Variants in LYSMD2 observed in about 807,000 individuals in gnomAD.
The protein encoded by LYSMD2 is LysM domain containing 2.
In LYSMD2, 6 loss-of-function variants were observed where a neutral mutation model predicts 17.7. The ratio of observed to expected loss-of-function variants is 0.34; its 90% CI spans 0.19 to 0.67. The LOEUF is 0.67. LYSMD2 is among the 30% of genes least tolerant of loss of function. The pLI is 0.69. For missense variants in LYSMD2, 237 were observed against 286.7 expected (o/e 0.83, Z 1.25); for synonymous variants, 102 against 129.8 (o/e 0.79, Z 1.45).
intron 1 of LYSMD2, among the ~76,000 whole-genome samples, chr15:51,732,022 G>A (rs2055580363): frequency 6.6e-6 from 1 of 152,112 alleles, no homozygotes; most frequent in Non-Finnish European, 1.5e-5. Context: ...TTCCTCAAAT[G>A]CCTCTTCCTC....
intron 1 of LYSMD2, among the ~76,000 whole-genome samples, chr15:51,731,168 C>A (rs2055574213): frequency 6.6e-6 from 1 of 152,156 alleles, no homozygotes; most frequent in African/African-American, 2.4e-5. Flanking sequence ...AATGGCCTCA[C>A]AACTCTGTAA....
intron 2 of LYSMD2, among the ~76,000 whole-genome samples, 179 bp downstream of exon 2, chr15:51,724,611 A>AAAGAAATTAAGAAAGG (rs58636074): frequency 0.36 from 53,601 of 147,104 alleles, 10,381 homozygotes; most frequent in Admixed American, 0.49. Context: ...AGAAAGAAAG[A>AAAGAAATTAAGAAAGG]AAGAAATTAA....
intron 1 of LYSMD2, among the ~76,000 whole-genome samples, chr15:51,727,412 C>T (rs769478537): frequency 9.2e-5 from 14 of 152,180 alleles, no homozygotes; most frequent in Non-Finnish European, 2.1e-4. Context: ...TTCCCTTGGC[C>T]CTTCAGGCCT....
intron 1 of LYSMD2, among the ~76,000 whole-genome samples, chr15:51,745,810 A>G (rs1233527289): frequency 6.6e-6 from 1 of 152,240 alleles, no homozygotes; most frequent in East Asian, 1.9e-4. Context: ...TTGAATAGAC[A>G]TTTCTCCAAA....
chr15:51,727,532 G>A lies in LYSMD2; in HGVS notation c.274-2411C>T, dbSNP rs527491488. ...AATGTCCCTTTATTAAACTCTCTTC[G>A]GCCACATCCTCTGAGAGTGTTATCT... On this transcript the variant is annotated intron_variant, in intron 1 of 2. Transcript: ENST00000267838. Among the ~76,000 whole-genome samples, 11 of 152,142 alleles carry A rather than the reference G, an allele frequency of 7.2e-5. No individual in the cohort carries two copies. In the South Asian group the frequency reaches 8.3e-4, roughly 11 times the overall value.
chr15:51,724,862 T>C lies in LYSMD2; in HGVS notation c.533A>G (p.Asp178Gly), dbSNP rs756888496. 1.2e-6 allele frequency: 2 copies of C among 1,613,968 alleles called. No individual in the cohort carries two copies. Among genetic ancestry groups the C allele is most frequent in the African/African-American group, 1.3e-5 (1 of 74,910 alleles). Residue 178 changes from aspartate to glycine, a missense_variant, in exon 2 of 3, where the codon GAT (aspartate) becomes GGT (glycine). Coordinates refer to ENST00000267838, the MANE Select transcript of LYSMD2 (RefSeq NM_153374.3). Reference sequence around the variant, plus strand: ...CTGCAAGTCAAGTCTCTGCAGGAAATCTCTGGCTGACACTTCCTCAGGCTG... The same window carrying C: ...CTGCAAGTCAAGTCTCTGCAGGAAACCTCTGGCTGACACTTCCTCAGGCTG... ...PVQPEEVSAR[D>G]FLQRLDLQIK...
At chr15:51,751,227 G>A in intron 1 of LYSMD2, 1 of 700,784 alleles carries the variant, frequency 1.4e-6, no homozygotes, top group Non-Finnish European at 2.6e-6. Context: ...CTCCTCCCAC[G>A]CCCACGCCCA....
At chr15:51,732,706 C>G (rs2055584379) in intron 1 of LYSMD2, among the ~76,000 whole-genome samples, 1 of 152,164 alleles carries the variant, frequency 6.6e-6, no homozygotes, top group South Asian at 2.1e-4. Context: ...AGGCCCATCT[C>G]TAGGGGAGAG....
intron 1 of LYSMD2, among the ~76,000 whole-genome samples, chr15:51,730,573 C>T (rs1012867750): frequency 7.9e-5 from 12 of 152,152 alleles, no homozygotes; most frequent in African/African-American, 2.9e-4. Context: ...AGGGAATTCA[C>T]AAAGCATCCC....
chr15:51,724,097 G>A (rs546740038), intron 2 of LYSMD2, among the ~76,000 whole-genome samples: 1 of 151,984 alleles, frequency 6.6e-6, no homozygotes, highest in Non-Finnish European at 1.5e-5. Flanking sequence ...AATATTATAG[G>A]AGTTGAACAC....
At chr15:51,746,237 G>A (rs2055666902) in intron 1 of LYSMD2, among the ~76,000 whole-genome samples, 1 of 152,058 alleles carries the variant, frequency 6.6e-6, no homozygotes, top group African/African-American at 2.4e-5. Flanking sequence ...AACAAAATGT[G>A]GTCTATCCAT....
At chr15:51,738,482 C>G (rs1329037392), upstream of LYSMD2, among the ~76,000 whole-genome samples, 1 of 152,128 alleles carries the variant, frequency 6.6e-6, no homozygotes, top group Non-Finnish European at 1.5e-5. Context: ...TCGCATCTCC[C>G]TGCCCCGTAT....
At chr15:51,727,523 ACT>A (rs1356709714) in intron 1 of LYSMD2, among the ~76,000 whole-genome samples, 11 of 151,592 alleles carry the variant, frequency 7.3e-5, no homozygotes, top group Non-Finnish European at 1.0e-4. Flanking sequence ...CCTTTATTAA[ACT>A]CTCTTCGGCC....
intron 1 of LYSMD2, among the ~76,000 whole-genome samples, chr15:51,726,554 C>G (rs990845738): frequency 4.6e-5 from 7 of 152,190 alleles, no homozygotes; most frequent in African/African-American, 1.7e-4. Context: ...TGCAAAGAGA[C>G]TCCTGCAGGA....
chr15:51,749,927 A>G (rs74456670), intron 1 of LYSMD2, among the ~76,000 whole-genome samples: 7,111 of 152,344 alleles, frequency 0.047, 249 homozygotes, highest in South Asian at 0.075. Context: ...GGCCCAAGAT[A>G]TAGTCCATTA....
rs373596778 is a variant in LYSMD2 at position 51,729,541 on chromosome 15, C to A, written c.274-4420G>T. Reference sequence around the variant, plus strand: ...TGGCACGATCTCGGCTCACTGCAACCTCTTCCTCCCGGGTTTAAGCTATTC... The same window carrying A: ...TGGCACGATCTCGGCTCACTGCAACATCTTCCTCCCGGGTTTAAGCTATTC... On this transcript the variant is annotated intron_variant, in intron 1 of 2. Transcript: ENST00000267838. 2.4e-3 allele frequency among the ~76,000 whole-genome samples: 370 copies of A among 152,366 alleles called. 4 individuals carry two copies. Among genetic ancestry groups the A allele is most frequent in the African/African-American group, 8.3e-3 (345 of 41,590 alleles).
chr15:51,733,674 T>G (rs1204723379), intron 1 of LYSMD2, among the ~76,000 whole-genome samples: 1 of 152,140 alleles, frequency 6.6e-6, no homozygotes, highest in African/African-American at 2.4e-5. Flanking sequence ...GAGGCCCTTG[T>G]TCACAAACTA....
intron 2 of LYSMD2, 25 bp downstream of exon 2, chr15:51,724,765 G>T: frequency 6.5e-7 from 1 of 1,548,312 alleles, no homozygotes; most frequent in South Asian, 1.2e-5. Context: ...TTTAGACTTT[G>T]ACATTTGTAC....
chr15:51,748,261 CAAAAAAAAAAAAAAA>C (rs10556304), intron 1 of LYSMD2, among the ~76,000 whole-genome samples: 2 of 60,228 alleles, frequency 3.3e-5, no homozygotes, highest in East Asian at 5.7e-4. Flanking sequence ...GACTCCGTCT[CAAAAAAAAAAAAAAA>C]AAAAAAAAAA....
Sources: gnomAD v4.1 joint callset for allele counts (sites outside exome capture counted in the v4.1 genomes callset) on GRCh38, gnomAD v4.1.1 for gene constraint, MANE v1.5 for transcripts, NCBI Gene and HGNC (gene_info 2026-07-23, HGNC 2026-07-21) for gene names.